Variants in NAA40 observed in about 807,000 individuals in gnomAD.
NAA40 encodes the protein N-alpha-acetyltransferase 40, NatD catalytic subunit, also known as N-alpha-acetyltransferase 40.
Under a neutral mutation model 36.6 loss-of-function variants are expected in NAA40, and 26 were observed. The observed-to-expected ratio is 0.71, with a 90% confidence interval of 0.52 to 0.98. NAA40 has a LOEUF of 0.98. Ranked by LOEUF, NAA40 falls within the 50% of genes least tolerant of loss-of-function variation. NAA40 has a pLI of 0.00. For missense variants in NAA40, 237 were observed against 306.5 expected (o/e 0.77, Z 1.69); for synonymous variants, 129 against 108.4 (o/e 1.19, Z -1.18).
In NAA40 at chr11:63,953,960, G is replaced by A. The variant is rs199524540; in HGVS notation, c.495-12G>A. The A allele has an allele frequency of 2.5e-6, 4 of 1,613,148 alleles. No individual in the cohort carries two copies. In the African/African-American group the frequency reaches 4.0e-5, roughly 16 times the overall value. ...TCTCTTTCTAAAAGGCGTTTGCTCT[G>A]CTTTCTTCCAGCACACAGATGAAGA... On this transcript the variant is annotated splice_polypyrimidine_tract_variant and intron_variant, in intron 6 of 7. Transcript: ENST00000377793.
At position 63,957,212 on chromosome 11, in the gene NAA40, A is replaced by ATATAT. The variant is rs1278673521; in HGVS notation, c.*2734_*2735insATATT. 2 of 64,300 alleles carry ATATAT rather than the reference A, an allele frequency of 3.1e-5. No homozygotes were observed. Among genetic ancestry groups the ATATAT allele is most frequent in the African/African-American group, 8.4e-5 (2 of 23,942 alleles). 4.0% of individuals were successfully genotyped at this position (64,300 alleles called of 1,614,324 possible). On this transcript the variant is annotated 3_prime_UTR_variant, in exon 8 of 8. Transcript: ENST00000377793. ...CCTTGATATATATATATATATATAT[A>ATATAT]TTTTTTTTTTTCTTTAGCAGCTTGT...
Position 63,956,741 on chromosome 11 carries a change from G to C in NAA40, c.*2262G>C, listed in dbSNP as rs1212098869. 1.3e-5 allele frequency: 2 copies of C among 152,688 alleles called. No homozygotes were observed. The highest frequency in any genetic ancestry group is 2.9e-5 in the Non-Finnish European group (2 of 68,096). 9.5% of individuals were successfully genotyped at this position (152,688 alleles called of 1,614,324 possible). On this transcript the variant is annotated 3_prime_UTR_variant, in exon 8 of 8. Transcript: ENST00000377793. ...TGTAATCCCAGCACTTTGGGAGGCT[G>C]AGGCAGGCGGGTCACCTGAGGTCAG...
At chr11:63,950,782 G>T (rs775114161) in intron 3 of NAA40, among the ~76,000 whole-genome samples, 3 of 152,140 alleles carry the variant, frequency 2.0e-5, no homozygotes, top group East Asian at 1.9e-4. Flanking sequence ...TTCATATTCC[G>T]TATTCCCATT....
chr11:63,946,881 A>G, intron 2 of NAA40, 70 bp from the exon 3 acceptor site: 1 of 1,604,262 alleles, frequency 6.2e-7, no homozygotes, highest in East Asian at 2.2e-5. Context: ...CCAAGACAAC[A>G]GCTCTTGGGA....
Position 63,952,242 on chromosome 11 carries a change from A to T in NAA40, c.160A>T (p.Asn54Tyr), listed in dbSNP as rs143575840. The T allele has an allele frequency of 5.0e-6, 8 of 1,610,542 alleles. No individual in the cohort carries two copies. The highest frequency in any genetic ancestry group is 5.9e-6 in the Non-Finnish European group (7 of 1,177,958). Residue 54 changes from asparagine (N) to tyrosine (Y), a missense_variant, in exon 4 of 8, where the codon AAT becomes TAT. Transcript: ENST00000377793. ...VFKKYDRNGL[N>Y]VSIECKRVSG... is the part of the protein sequence containing the mutation. ...CACGTCCTGTCCTCTTCTCAGGTTG[A>T]ATGTCTCCATTGAATGTAAGCGAGT...
intron 6 of NAA40, 142 bp downstream of exon 6, chr11:63,952,981 G>C: frequency 2.0e-6 from 1 of 512,054 alleles, no homozygotes; most frequent in East Asian, 4.3e-5. Context: ...AACCCTCTCA[G>C]TAAGATGCTC....
At chr11:63,944,978 G>A (rs1045883358) in intron 1 of NAA40, among the ~76,000 whole-genome samples, 1 of 151,942 alleles carries the variant, frequency 6.6e-6, no homozygotes, top group Admixed American at 6.6e-5. Context: ...GGCTCTTGCC[G>A]TGTGTTACCT....
chr11:63,939,302 G>A (rs1698813339), intron 1 of NAA40, 200 bp downstream of exon 1: 1 of 1,269,634 alleles, frequency 7.9e-7, no homozygotes, highest in Non-Finnish European at 1.0e-6. Context: ...AGAGCCCCTG[G>A]TCCGGGGCCC....
In NAA40 at chr11:63,954,749, C is replaced by T. The variant is rs1942337393; in HGVS notation, c.*270C>T. 3.1e-6 allele frequency: 1 copy of T among 318,862 alleles called. No individual in the cohort carries two copies. The highest frequency in any genetic ancestry group is 2.1e-5 in the African/African-American group (1 of 46,664). The allele number at this position is 318,862 out of a possible 1,614,324, so 19.8% of individuals were successfully genotyped here. On this transcript the variant is annotated 3_prime_UTR_variant, in exon 8 of 8. Transcript: ENST00000377793. ...TCATCCTCCACAGTGGCTGCCTCCT[C>T]ATTTGGCTCCTGGGGCCTGCAGTGG...
intron 2 of NAA40, chr11:63,946,295 C>T (rs1286205610): frequency 3.9e-6 from 1 of 253,278 alleles, no homozygotes; most frequent in Non-Finnish European, 7.8e-6. Context: ...AACCTTGCAG[C>T]CTCTGCCGCC....
chr11:63,941,281 T>G (rs1162348165), intron 1 of NAA40, among the ~76,000 whole-genome samples: 1 of 152,194 alleles, frequency 6.6e-6, no homozygotes, highest in Non-Finnish European at 1.5e-5. Flanking sequence ...CATCATTCCT[T>G]GTAGTTACCC....
chr11:63,948,378 C>G (rs1176992146), intron 3 of NAA40, among the ~76,000 whole-genome samples: 1 of 152,034 alleles, frequency 6.6e-6, no homozygotes, highest in African/African-American at 2.4e-5. Flanking sequence ...TGTTAAAAGC[C>G]AATTCCTGGC....
At chr11:63,950,990 T>C (rs949511244) in intron 3 of NAA40, among the ~76,000 whole-genome samples, 1 of 152,182 alleles carries the variant, frequency 6.6e-6, no homozygotes, top group African/African-American at 2.4e-5. Flanking sequence ...GCAGCTGTGA[T>C]GGCTAAGTGG....
At chr11:63,939,357 C>CGCG in intron 1 of NAA40, 1 of 1,250,214 alleles carries the variant, frequency 8.0e-7, no homozygotes, top group Non-Finnish European at 1.0e-6. Context: ...CTTCCTGCTT[C>CGCG]GCGGACCCGT....
chr11:63,943,930 C>T (rs1446118118), intron 1 of NAA40, among the ~76,000 whole-genome samples: 2 of 152,210 alleles, frequency 1.3e-5, no homozygotes, highest in African/African-American at 4.8e-5. Context: ...TAGAGGGAGG[C>T]TAGTTCTGTT....
intron 3 of NAA40, among the ~76,000 whole-genome samples, chr11:63,949,039 A>G (rs1942233632): frequency 6.6e-6 from 1 of 152,018 alleles, no homozygotes; most frequent in African/African-American, 2.4e-5. Context: ...TTTTTTAATT[A>G]GCTGGGCATG....
At chr11:63,941,297 C>T (rs1023132686) in intron 1 of NAA40, among the ~76,000 whole-genome samples, 1 of 152,218 alleles carries the variant, frequency 6.6e-6, no homozygotes, top group African/African-American at 2.4e-5. Flanking sequence ...TACCCTGTGG[C>T]AGAGCCTGGC....
intron 5 of NAA40, 79 bp downstream of exon 5, chr11:63,952,644 C>T: frequency 6.2e-7 from 1 of 1,602,940 alleles, no homozygotes. Context: ...TGACAAAGCC[C>T]CTGGACCTAC....
intron 1 of NAA40, among the ~76,000 whole-genome samples, chr11:63,943,822 CAT>C (rs1942144350): frequency 6.6e-6 from 1 of 152,134 alleles, no homozygotes; most frequent in South Asian, 2.1e-4. Context: ...AAAAAAGAAA[CAT>C]AATGTTTGTA....
Sources: gnomAD v4.1 joint callset for allele counts (sites outside exome capture counted in the v4.1 genomes callset) on GRCh38, gnomAD v4.1.1 for gene constraint, MANE v1.5 for transcripts, NCBI Gene and HGNC (gene_info 2026-07-23, HGNC 2026-07-21) for gene names.